CDA: variants seen among roughly 807,000 people sequenced by gnomAD.
The protein encoded by CDA is cytidine aminohydrolase.
Under a neutral mutation model 15.0 loss-of-function variants are expected in CDA, and 7 were observed. The ratio of observed to expected loss-of-function variants is 0.47; its 90% confidence interval spans 0.26 to 0.87. CDA has a LOEUF of 0.87. Among genes scored for constraint, CDA ranks in the 40% least tolerant of loss-of-function variants. The pLI is 0.15. For synonymous variants in CDA, 58 were observed against 73.0 expected (o/e 0.79, Z 1.05); for missense variants, 159 against 182.7 (o/e 0.87, Z 0.75).
intron 2 of CDA, among the ~76,000 whole-genome samples, chr1:20,606,247 A>G (rs1220802657): frequency 6.7e-6 from 1 of 150,240 alleles, no homozygotes; most frequent in African/African-American, 2.5e-5. Flanking sequence ...AGGCAGGAAC[A>G]TGGCGTGAAC....
chr1:20,599,617 C>CAAAATAAAATAAAAAAAT (rs2052621881), intron 1 of CDA, among the ~76,000 whole-genome samples: 2 of 108,002 alleles, frequency 1.9e-5, no homozygotes, highest in African/African-American at 7.5e-5. Flanking sequence ...ACTCCGTCTC[C>CAAAATAAAATAAAAAAAT]AAAATAAAAT....
intron 1 of CDA, among the ~76,000 whole-genome samples, chr1:20,600,764 A>AGATTC (rs1557547501): frequency 6.6e-6 from 1 of 151,504 alleles, no homozygotes; most frequent in Non-Finnish European, 1.5e-5. Context: ...AAAAAAAAAA[A>AGATTC]AAAAAGAAAA....
chr1:20,613,451 CACCT>C (rs2052772529), intron 2 of CDA, among the ~76,000 whole-genome samples: 1 of 152,170 alleles, frequency 6.6e-6, no homozygotes, highest in African/African-American at 2.4e-5. Flanking sequence ...GTGATCCACC[CACCT>C]CGGCCTCCCA....
intron 1 of CDA, among the ~76,000 whole-genome samples, chr1:20,595,525 C>A (rs1043158974): frequency 6.6e-6 from 1 of 152,148 alleles, no homozygotes; most frequent in Non-Finnish European, 1.5e-5. Flanking sequence ...GCTTCTCTAA[C>A]CTGGGTCTTC....
chr1:20,592,998 T>C (rs2052561909), intron 1 of CDA, among the ~76,000 whole-genome samples: 1 of 151,980 alleles, frequency 6.6e-6, no homozygotes, highest in Non-Finnish European at 1.5e-5. Context: ...GAAGCTGAGA[T>C]GGAGGGATCA....
chr1:20,591,105 C>T (rs1039348699), intron 1 of CDA, among the ~76,000 whole-genome samples: 28 of 152,050 alleles, frequency 1.8e-4, no homozygotes, highest in Admixed American at 4.6e-4. Flanking sequence ...TTTGGGAGGC[C>T]GAGGCAGGCG....
At chr1:20,608,801 C>T (rs1172701892) in intron 2 of CDA, among the ~76,000 whole-genome samples, 1 of 149,122 alleles carries the variant, frequency 6.7e-6, no homozygotes, top group Non-Finnish European at 1.5e-5. Flanking sequence ...GGGTTCAAAT[C>T]CTGATTCTGC....
chr1:20,609,265 A>G (rs1190951274), intron 2 of CDA, among the ~76,000 whole-genome samples: 1 of 152,180 alleles, frequency 6.6e-6, no homozygotes, highest in South Asian at 2.1e-4. Flanking sequence ...CAGGCGGATC[A>G]TGAGGTCAGG....
intron 2 of CDA, among the ~76,000 whole-genome samples, chr1:20,612,562 C>G (rs924369314): frequency 1.3e-5 from 2 of 152,048 alleles, no homozygotes; most frequent in Admixed American, 1.3e-4. Context: ...CATTACCTAC[C>G]CAAATCCTAT....
intron 2 of CDA, among the ~76,000 whole-genome samples, chr1:20,611,537 C>T (rs1158371654): frequency 2.6e-5 from 4 of 152,170 alleles, no homozygotes; most frequent in Non-Finnish European, 5.9e-5. Flanking sequence ...TGCACCACCA[C>T]ACCCAGCTAA....
intron 1 of CDA, among the ~76,000 whole-genome samples, chr1:20,600,417 G>A (rs1335186299): frequency 1.3e-5 from 2 of 151,960 alleles, no homozygotes; most frequent in African/African-American, 2.4e-5. Flanking sequence ...AGTGAAGGTG[G>A]GAGTGGTGAG....
chr1:20,600,838 A>G (rs1035307408), intron 1 of CDA, among the ~76,000 whole-genome samples: 4 of 151,808 alleles, frequency 2.6e-5, no homozygotes, highest in African/African-American at 9.7e-5. Context: ...CAAGGTGGGG[A>G]GCAAGAGGCA....
At chr1:20,606,291 C>T (rs577667534) in intron 2 of CDA, among the ~76,000 whole-genome samples, 7 of 151,824 alleles carry the variant, frequency 4.6e-5, no homozygotes, top group Admixed American at 3.3e-4. Context: ...GCTGAGATCA[C>T]GCCTCTGCAT....
chr1:20,602,587 C>T (rs1026491066), intron 1 of CDA, among the ~76,000 whole-genome samples: 1 of 152,138 alleles, frequency 6.6e-6, no homozygotes, highest in Non-Finnish European at 1.5e-5. Flanking sequence ...CCATGCCAGG[C>T]TAATTTTTGT....
At position 20,607,274 on chromosome 1, in the gene CDA, C is replaced by A. The variant is rs369211634; in HGVS notation, c.266+2235C>A. 4.6e-5 allele frequency among the ~76,000 whole-genome samples: 7 copies of A among 152,192 alleles called. No individual in the cohort carries two copies. The East Asian group carries it at 5.8e-4, about 13-fold the overall frequency. ...TGCCTCAGTCTGGCCCCAAGGAGACCCAGCTTAATTTGTTTCTGAGTAAGT... is the reference window on the plus strand; with the variant it reads ...TGCCTCAGTCTGGCCCCAAGGAGACACAGCTTAATTTGTTTCTGAGTAAGT... On this transcript the variant is annotated intron_variant, in intron 2 of 3. Coordinates refer to ENST00000375071, the MANE Select transcript of CDA (RefSeq NM_001785.3).
At chr1:20,599,288 A>C (rs2052617746) in intron 1 of CDA, among the ~76,000 whole-genome samples, 1 of 152,122 alleles carries the variant, frequency 6.6e-6, no homozygotes, top group Non-Finnish European at 1.5e-5. Context: ...ATCACATATG[A>C]CCTTGGCACC....
At chr1:20,618,301 A>G (rs2052836770) in intron 3 of CDA, 151 bp from the exon 4 acceptor site, 1 of 654,456 alleles carries the variant, frequency 1.5e-6, no homozygotes, top group African/African-American at 2.0e-5. Context: ...ACTATGATCC[A>G]GGTACAATTA....
At chr1:20,617,787 C>T (rs901974012) in intron 3 of CDA, among the ~76,000 whole-genome samples, 21 of 133,792 alleles carry the variant, frequency 1.6e-4, no homozygotes, top group African/African-American at 6.0e-4. Context: ...CTCTGCCTCC[C>T]GGGTTCCAGA....
rs2052846508 is a variant in CDA at position 20,618,825 on chromosome 1, G to A, written c.*257G>A. 1 of 480,734 alleles carries A rather than the reference G, an allele frequency of 2.1e-6. No homozygotes were observed. Among genetic ancestry groups the A allele is most frequent in the Non-Finnish European group, 3.8e-6 (1 of 260,422 alleles). 29.8% of individuals were successfully genotyped at this position (480,734 alleles called of 1,614,324 possible). On this transcript the variant is annotated 3_prime_UTR_variant, in exon 4 of 4. Coordinates refer to ENST00000375071, the MANE Select transcript of CDA (RefSeq NM_001785.3). Reference sequence around the variant, plus strand: ...TTCAAAGTCCAGCCTAGTCTGGACTGCTTCCCCATCAGCCTTCCCAAGGTT... The same window carrying A: ...TTCAAAGTCCAGCCTAGTCTGGACTACTTCCCCATCAGCCTTCCCAAGGTT...
Sources: allele counts gnomAD v4.1 joint callset (sites outside exome capture counted in the v4.1 genomes callset), GRCh38; gene constraint gnomAD v4.1.1; transcripts MANE v1.5; gene names NCBI Gene and HGNC (gene_info 2026-07-23, HGNC 2026-07-21).